The following NDST1 variants were observed in gnomAD, a reference collection of about 807,000 sequenced individuals.
NDST1 encodes the protein bifunctional heparan sulfate N-deacetylase/N-sulfotransferase 1.
Under a neutral mutation model 92.8 loss-of-function variants are expected in NDST1, and 35 were observed. The observed-to-expected ratio is 0.38, with a 90% CI of 0.29 to 0.50. The LOEUF (loss-of-function observed/expected upper bound fraction) is 0.50, where lower values mean the gene tolerates loss of function less well. Among genes scored for constraint, NDST1 ranks in the 20% least tolerant of loss-of-function variants. The pLI, the probability that NDST1 is intolerant of heterozygous loss-of-function variation, is 0.94. For synonymous variants in NDST1, 493 were observed against 500.3 expected (o/e 0.99, Z 0.19); for missense variants, 822 against 1,182.7 (o/e 0.69, Z 4.47).
intron 1 of NDST1, among the ~76,000 whole-genome samples, chr5:150,499,684 C>T (rs74877579): frequency 0.063 from 9,560 of 152,220 alleles, 355 homozygotes; most frequent in East Asian, 0.13. Flanking sequence ...CTGTGACCCT[C>T]GAATCCTCCC....
At chr5:150,517,577 A>G (rs1754036027) in intron 1 of NDST1, among the ~76,000 whole-genome samples, 1 of 152,168 alleles carries the variant, frequency 6.6e-6, no homozygotes, top group Non-Finnish European at 1.5e-5. Flanking sequence ...ACATGTATCT[A>G]CCATCGTCGT....
rs201365274 is a variant in NDST1 at position 150,540,158 on chromosome 5, G to T, written c.1643G>T (p.Arg548Leu). The change falls in exon 8 of 15, where the codon CGC (arginine) becomes CTC (leucine). Residue 548 changes from arginine to leucine, a missense_variant. By Grantham distance (102) the Arg-to-Leu change is moderately radical. Transcript: ENST00000261797. ...CTGTACACCTTCAAGCACCTGGTGC[G>T]CTTCCTGCACTCCTGGACGAACCTC... ...LGLYTFKHLVRFLHSWTNLRL... is the reference protein window; with the variant it reads ...LGLYTFKHLVLFLHSWTNLRL... 6.2e-7 allele frequency: 1 copy of T among 1,614,208 alleles called. No homozygotes were observed. The highest frequency in any genetic ancestry group is 1.1e-5 in the South Asian group (1 of 91,084).
In NDST1 at chr5:150,553,937, C is replaced by T. The variant is rs1438226813; in HGVS notation, c.*605C>T. On this transcript the variant is annotated 3_prime_UTR_variant, in exon 15 of 15. Transcript: ENST00000261797. The surrounding 1 kb of genome is among the most constrained non-coding windows in gnomAD (Gnocchi z 4.2). ...CGTTCTGGGGAAGAATTTCTGGTTC[C>T]TACAGTATCCACTCCATCCTCAAGG... 2.4e-6 allele frequency: 1 copy of T among 424,800 alleles called. No homozygotes were observed. The highest frequency in any genetic ancestry group is 4.2e-6 in the Non-Finnish European group (1 of 240,704). 26.3% of individuals were successfully genotyped at this position (424,800 alleles called of 1,614,324 possible).
chr5:150,537,099 G>C (rs1755027558), intron 6 of NDST1, among the ~76,000 whole-genome samples: 1 of 152,254 alleles, frequency 6.6e-6, no homozygotes, highest in African/African-American at 2.4e-5. Flanking sequence ...ATACTCTTGT[G>C]ATTTCCTATG....
intron 2 of NDST1, among the ~76,000 whole-genome samples, chr5:150,522,725 G>T (rs186046485): frequency 6.6e-6 from 1 of 152,196 alleles, no homozygotes; most frequent in Admixed American, 6.5e-5. Context: ...ACAGGATGGG[G>T]CAGGTGTGAT....
chr5:150,546,626 C>T (rs1755497591), intron 11 of NDST1, among the ~76,000 whole-genome samples: 1 of 152,256 alleles, frequency 6.6e-6, no homozygotes, highest in Admixed American at 6.5e-5. Flanking sequence ...GCTGGGACAG[C>T]CTCTTCAGGC....
intron 3 of NDST1, among the ~76,000 whole-genome samples, 185 bp from the exon 4 acceptor site, chr5:150,532,760 C>T (rs1481935294): frequency 6.6e-6 from 1 of 152,216 alleles, no homozygotes; most frequent in Non-Finnish European, 1.5e-5. Context: ...CTCCTGACCT[C>T]AAGTGATCCA....
intron 6 of NDST1, among the ~76,000 whole-genome samples, chr5:150,538,606 A>G (rs1755097791): frequency 6.6e-6 from 1 of 152,176 alleles, no homozygotes; most frequent in African/African-American, 2.4e-5. Context: ...TGCTGGAAGG[A>G]TGAGTTGTCA....
chr5:150,536,015 C>A, intron 6 of NDST1, 130 bp downstream of exon 6: 1 of 1,081,708 alleles, frequency 9.2e-7, no homozygotes, highest in Non-Finnish European at 1.4e-6. Context: ...GCTTCTGCTG[C>A]CTCCTCTGGC....
Position 150,553,483 on chromosome 5 carries a change from C to T in NDST1, c.*151C>T, listed in dbSNP as rs1202490997. The stretch of plus-strand genomic sequence containing the variant: ...AGGTCTGGTGGGGCTGGGGGAGCAC[C>T]CAGGCGGATCTGCAAGCACCTCGGA... On this transcript the variant is annotated 3_prime_UTR_variant, in exon 15 of 15. Transcript: ENST00000261797. This position sits in a 1 kb window ranked among gnomAD's most constrained non-coding sequence, Gnocchi z 4.2. The T allele has an allele frequency of 1.8e-6, 2 of 1,123,424 alleles. No individual in the cohort carries two copies. Among genetic ancestry groups the T allele is most frequent in the Non-Finnish European group, 2.6e-6 (2 of 758,646 alleles). 69.6% of individuals were successfully genotyped at this position (1,123,424 alleles called of 1,614,324 possible).
chr5:150,504,032 G>T (rs572887730), upstream of NDST1, among the ~76,000 whole-genome samples: 50 of 152,302 alleles, frequency 3.3e-4, no homozygotes, highest in African/African-American at 1.2e-3. Context: ...CATCCAGGCT[G>T]GGTGGTGCTT....
At chr5:150,534,760 C>A in intron 4 of NDST1, 107 bp from the exon 5 acceptor site, 2 of 1,370,172 alleles carry the variant, frequency 1.5e-6, no homozygotes, top group Non-Finnish European at 2.1e-6. Flanking sequence ...CTCTTCCAGG[C>A]AGCTCCTGGG....
chr5:150,540,397 C>T (rs1033626470), intron 8 of NDST1, 133 bp downstream of exon 8: 17 of 956,378 alleles, frequency 1.8e-5, no homozygotes, highest in African/African-American at 4.9e-5. Context: ...AACTCAGGTC[C>T]CCATCTACTT....
At chr5:150,545,612 C>T in intron 11 of NDST1, 126 bp downstream of exon 11, 1 of 1,251,818 alleles carries the variant, frequency 8.0e-7, no homozygotes, top group Non-Finnish European at 1.1e-6. Context: ...AGCCAGGCGC[C>T]TGGAGCGTGG....
At chr5:150,513,555 C>T (rs1342180816) in intron 1 of NDST1, among the ~76,000 whole-genome samples, 3 of 152,220 alleles carry the variant, frequency 2.0e-5, no homozygotes, top group African/African-American at 7.2e-5. Flanking sequence ...GCTGTCACCA[C>T]TAGAGTGAAA....
intron 1 of NDST1, among the ~76,000 whole-genome samples, chr5:150,519,177 C>G (rs1466615585): frequency 2.0e-5 from 3 of 152,232 alleles, no homozygotes; most frequent in African/African-American, 7.2e-5. Flanking sequence ...TTACACACTT[C>G]TGCAGTAATA....
intron 1 of NDST1, among the ~76,000 whole-genome samples, chr5:150,513,188 C>T (rs530054067): frequency 2.0e-5 from 3 of 152,114 alleles, no homozygotes; most frequent in East Asian, 1.9e-4. Flanking sequence ...GAGAAAGACA[C>T]TGTCTCAAAA....
intron 6 of NDST1, among the ~76,000 whole-genome samples, chr5:150,536,862 AG>A (rs1755015258): frequency 6.6e-6 from 1 of 152,236 alleles, no homozygotes; most frequent in Admixed American, 6.5e-5. Context: ...CACTGTGCCC[AG>A]CCTCACATCT....
Position 150,551,801 on chromosome 5 carries a change from A to G in NDST1, c.2475A>G (p.Lys825=). The G allele has an allele frequency of 6.2e-7, 1 of 1,613,744 alleles. No individual in the cohort carries two copies. Among genetic ancestry groups the G allele is most frequent in the East Asian group, 2.2e-5 (1 of 44,874 alleles). Residue 825 remains lysine (K), a synonymous_variant, in exon 14 of 15, where the codon AAA becomes AAG. Coordinates refer to ENST00000261797, the MANE Select transcript of NDST1 (RefSeq NM_001543.5). ...GGTGCCAACTGCTTGAAGGAGGAAA[A>G]ACCAAGTGTCTGGGCAAAAGCAAGG... is the stretch of plus-strand genomic sequence containing the variant. ...GFWCQLLEGG[K]TKCLGKSKGR... is the part of the protein sequence containing the mutation.
Sources: gnomAD v4.1 joint callset for allele counts (sites outside exome capture counted in the v4.1 genomes callset) on GRCh38, gnomAD v4.1.1 for gene constraint, Gnocchi (gnomAD v3.1) non-coding constraint, MANE v1.5 for transcripts, NCBI Gene and HGNC (gene_info 2026-07-23, HGNC 2026-07-21) for gene names.